The following CACNB2 variants were observed in gnomAD, a reference collection of about 807,000 sequenced individuals.
CACNB2 encodes the protein voltage-dependent L-type calcium channel subunit beta-2.
Under a neutral mutation model 73.3 loss-of-function variants are expected in CACNB2, and 42 were observed. The observed-to-expected ratio is 0.57, with a 90% CI of 0.45 to 0.74. The LOEUF (loss-of-function observed/expected upper bound fraction) is 0.74. CACNB2 is among the 30% of genes least tolerant of loss of function. The probability of loss-of-function intolerance (pLI) is 0.00; values close to 1 mark genes in which losing one functional copy is unlikely to be tolerated. For synonymous variants in CACNB2, 348 were observed against 310.3 expected, an observed-to-expected ratio of 1.12 and a Z score of -1.28; for missense variants, 940 against 853.0, an observed-to-expected ratio of 1.10 and a Z score of -1.27.
chr10:18,495,876 T>C (rs2049782353), intron 3 of CACNB2, among the ~76,000 whole-genome samples: 1 of 152,098 alleles, frequency 6.6e-6, no homozygotes, highest in African/African-American at 2.4e-5. Flanking sequence ...GTTTCAGTTG[T>C]ACAGGTAAAT....
chr10:18,199,664 T>C (rs768461481), intron 2 of CACNB2, among the ~76,000 whole-genome samples: 1 of 152,190 alleles, frequency 6.6e-6, no homozygotes, highest in Non-Finnish European at 1.5e-5. Context: ...CTAAGTGAAA[T>C]GAATGCCTTT....
intron 3 of CACNB2, among the ~76,000 whole-genome samples, chr10:18,485,715 C>T (rs2049022385): frequency 6.6e-6 from 1 of 151,794 alleles, no homozygotes; most frequent in Non-Finnish European, 1.5e-5. Flanking sequence ...GCACCCACCA[C>T]CATGCTTGGC....
At chr10:18,356,350 C>T (rs1366509477) in intron 2 of CACNB2, among the ~76,000 whole-genome samples, 1 of 152,210 alleles carries the variant, frequency 6.6e-6, no homozygotes, top group East Asian at 1.9e-4. Flanking sequence ...CTCATCATCA[C>T]TGCTTATTTT....
chr10:18,504,616 T>C (rs2050386229), intron 5 of CACNB2, among the ~76,000 whole-genome samples: 1 of 152,118 alleles, frequency 6.6e-6, no homozygotes, highest in African/African-American at 2.4e-5. Context: ...CTTGCTTTCA[T>C]AGGTTTTTAC....
intron 2 of CACNB2, among the ~76,000 whole-genome samples, chr10:18,259,505 G>C (rs1397339873): frequency 7.2e-6 from 1 of 139,360 alleles, no homozygotes; most frequent in Non-Finnish European, 1.5e-5. Flanking sequence ...AAGAGTTCAA[G>C]ACCAGCCTGG....
At chr10:18,251,520 T>C (rs2037089140) in intron 2 of CACNB2, among the ~76,000 whole-genome samples, 1 of 152,210 alleles carries the variant, frequency 6.6e-6, no homozygotes, top group South Asian at 2.1e-4. Context: ...AGTGCTGAGA[T>C]TACAGGCGTG....
chr10:18,174,307 C>T (rs1461186028), intron 2 of CACNB2, among the ~76,000 whole-genome samples: 8 of 127,298 alleles, frequency 6.3e-5, no homozygotes, highest in Admixed American at 4.3e-4. Flanking sequence ...TTCCTTCCTT[C>T]CCTCCCTCCC....
At chr10:18,536,232 A>G (rs748693196) in intron 12 of CACNB2, 36 bp downstream of exon 12, 48 of 659,980 alleles carry the variant, frequency 7.3e-5, no homozygotes, top group South Asian at 1.7e-5. Context: ...ATCCAGTTAC[A>G]GAGATCAGAC....
intron 2 of CACNB2, among the ~76,000 whole-genome samples, chr10:18,316,458 T>TCC (rs377383714): frequency 8.0e-4 from 118 of 147,694 alleles, no homozygotes; most frequent in Non-Finnish European, 1.3e-3. Context: ...CTTTTTTTCT[T>TCC]CCCCCCTCTC....
At chr10:18,470,478 A>G (rs2048126560) in intron 3 of CACNB2, among the ~76,000 whole-genome samples, 1 of 150,662 alleles carries the variant, frequency 6.6e-6, no homozygotes, top group South Asian at 2.1e-4. Context: ...TGTATTGTAT[A>G]TATTACATAT....
At chr10:18,449,144 G>C (rs184708522) in intron 3 of CACNB2, among the ~76,000 whole-genome samples, 1,572 of 152,304 alleles carry the variant, frequency 0.01, 21 homozygotes, top group East Asian at 0.048. Flanking sequence ...CAGCACTTTG[G>C]GGGGCTGAGG....
At chr10:18,412,006 T>C (rs755334751) in intron 3 of CACNB2, among the ~76,000 whole-genome samples, 2 of 152,210 alleles carry the variant, frequency 1.3e-5, no homozygotes, top group East Asian at 1.9e-4. Context: ...TTCTGGTTAG[T>C]TGGTGACCAG....
At chr10:18,176,687 G>T (rs1290860342) in intron 2 of CACNB2, among the ~76,000 whole-genome samples, 1 of 150,424 alleles carries the variant, frequency 6.6e-6, no homozygotes, top group Non-Finnish European at 1.5e-5. Flanking sequence ...ATGGAGGTTA[G>T]CATTTACAGG....
At position 18,540,079 on chromosome 10, in the gene CACNB2, A is replaced by AT. The variant is rs573985967; in HGVS notation, c.*356dup. ...ATCCAACAAGCCAGAATCAGCACAG[A>AT]TAAAAAGTGGAATTTCTTGTTTCTC... On this transcript the variant is annotated 3_prime_UTR_variant, in exon 14 of 14. Transcript: ENST00000324631. The AT allele has an allele frequency of 6.1e-4, 127 of 206,986 alleles. No homozygotes were observed. The highest frequency in any genetic ancestry group is 2.9e-3 in the African/African-American group (123 of 42,934). The allele number at this position is 206,986 out of a possible 1,614,324, so 12.8% of individuals were successfully genotyped here.
At chr10:18,396,840 G>A (rs1476986866) in intron 2 of CACNB2, among the ~76,000 whole-genome samples, 3 of 152,158 alleles carry the variant, frequency 2.0e-5, no homozygotes, top group South Asian at 2.1e-4. Flanking sequence ...GGTCAGCATC[G>A]TCCTATGCAT....
At chr10:18,289,365 G>A (rs1344756553) in intron 2 of CACNB2, among the ~76,000 whole-genome samples, 1 of 143,804 alleles carries the variant, frequency 7.0e-6, no homozygotes, top group African/African-American at 2.7e-5. Context: ...CGTGATCTCG[G>A]CTCACTGCAA....
chr10:18,410,946 C>CTCCA (rs1485226403), intron 3 of CACNB2, among the ~76,000 whole-genome samples: 1 of 152,096 alleles, frequency 6.6e-6, no homozygotes, highest in African/African-American at 2.4e-5. Flanking sequence ...CGCCACTGCA[C>CTCCA]TCCAGCCTGG....
intron 2 of CACNB2, among the ~76,000 whole-genome samples, chr10:18,239,956 C>A (rs747995892): frequency 1.4e-4 from 22 of 152,160 alleles, no homozygotes; most frequent in Non-Finnish European, 2.8e-4. Flanking sequence ...ATTCTCATGT[C>A]TTCTCATATC....
chr10:18,374,347 T>C (rs1564480792), intron 2 of CACNB2, among the ~76,000 whole-genome samples: 1 of 152,160 alleles, frequency 6.6e-6, no homozygotes, highest in East Asian at 1.9e-4. Flanking sequence ...GGATTGATCC[T>C]GAATTAATAA....
Sources: allele counts gnomAD v4.1 joint callset (sites outside exome capture counted in the v4.1 genomes callset), GRCh38; gene constraint gnomAD v4.1.1; transcripts MANE v1.5; gene names NCBI Gene and HGNC (gene_info 2026-07-23, HGNC 2026-07-21).